The following PLXNA2 variants were observed in gnomAD, a reference collection of about 807,000 sequenced individuals.
PLXNA2 encodes plexin-A2.
Under a neutral mutation model 193.5 loss-of-function variants are expected in PLXNA2, and 91 were observed. The ratio of observed to expected loss-of-function variants is 0.47; its 90% CI spans 0.40 to 0.56. The LOEUF (loss-of-function observed/expected upper bound fraction) is 0.56, where lower values mean the gene tolerates loss of function less well. Ranked by LOEUF, PLXNA2 falls within the 20% of genes least tolerant of loss-of-function variation. PLXNA2 has a pLI of 0.00. For missense variants in PLXNA2, 1,995 were observed against 2,503.2 expected (o/e 0.80, Z 4.33); for synonymous variants, 997 against 1,027.3 (o/e 0.97, Z 0.56).
Position 208,217,775 on chromosome 1 carries a change from A to T in PLXNA2, c.148T>A (p.Phe50Ile), listed in dbSNP as rs1332143888. Residue 50 changes from phenylalanine to isoleucine, a missense_variant, in exon 2 of 32, where the codon TTC (phenylalanine) becomes ATC (isoleucine). Phe to Ile is a conservative substitution (Grantham distance 21, BLOSUM62 0). Around this residue, in one of 3 missense-constraint regions of PLXNA2, gnomAD observed 702 missense variants for 812.9 expected, o/e 0.86. Coordinates refer to ENST00000367033, the MANE Select transcript of PLXNA2 (RefSeq NM_025179.4). The surrounding 1 kb of genome is among the most constrained non-coding windows in gnomAD (Gnocchi z 4.7). ...CCTTGGTGGACGGTCAAGTGGTTGA[A>T]GGTCCAGTCACGATTCTCAGAGTGG... ...TFHSENRDWT[F>I]NHLTVHQGTG... 6.2e-7 allele frequency: 1 copy of T among 1,614,128 alleles called. No homozygotes were observed. Among genetic ancestry groups the T allele is most frequent in the South Asian group, 1.1e-5 (1 of 91,066 alleles).
rs368719137 is a variant in PLXNA2 at position 208,067,768 on chromosome 1, C to T, written c.2587-6931G>A. Among the ~76,000 whole-genome samples, 17 of 152,142 alleles carry T rather than the reference C, an allele frequency of 1.1e-4. 1 individual carries two copies. The highest frequency in any genetic ancestry group is 2.0e-4 in the Admixed American group (3 of 15,278). On this transcript the variant is annotated intron_variant, in intron 12 of 31. Transcript: ENST00000367033. ...CATGATGTTCACACAAGGATGAAATCGTCTAATGACACATTTGTCAGAATG... is the reference window on the plus strand; with the variant it reads ...CATGATGTTCACACAAGGATGAAATTGTCTAATGACACATTTGTCAGAATG...
chr1:208,048,188 C>T (rs1349324777), intron 17 of PLXNA2, among the ~76,000 whole-genome samples: 3 of 152,180 alleles, frequency 2.0e-5, no homozygotes, highest in African/African-American at 7.2e-5. Flanking sequence ...CCCCGTGCTG[C>T]GTCGGCACTT....
intron 6 of PLXNA2, among the ~76,000 whole-genome samples, 198 bp from the exon 7 acceptor site, chr1:208,097,081 G>A (rs1426871207): frequency 2.0e-5 from 3 of 152,258 alleles, no homozygotes; most frequent in South Asian, 2.1e-4. Flanking sequence ...TAGGGTCAAT[G>A]GTCTTTATTA....
intron 12 of PLXNA2, among the ~76,000 whole-genome samples, chr1:208,074,194 C>T (rs990101939): frequency 6.6e-6 from 1 of 152,168 alleles, no homozygotes; most frequent in African/African-American, 2.4e-5. Flanking sequence ...AAATGTTTTT[C>T]TCTGGGCCTT....
intron 3 of PLXNA2, among the ~76,000 whole-genome samples, chr1:208,178,150 G>A (rs1005537599): frequency 6.6e-6 from 1 of 152,096 alleles, no homozygotes; most frequent in Non-Finnish European, 1.5e-5. Context: ...GAAAAAAAAA[G>A]AGCAAAGGTC....
chr1:208,153,899 C>G (rs900558474), intron 3 of PLXNA2, among the ~76,000 whole-genome samples: 6 of 152,184 alleles, frequency 3.9e-5, no homozygotes, highest in Admixed American at 3.9e-4. Context: ...GAATAGCTGT[C>G]ATCTTCACAC....
At chr1:208,048,926 G>A (rs979764236) in intron 17 of PLXNA2, among the ~76,000 whole-genome samples, 1 of 152,132 alleles carries the variant, frequency 6.6e-6, no homozygotes, top group Admixed American at 6.5e-5. Context: ...TCATATGCAC[G>A]AACCAATCCA....
At chr1:208,157,501 T>C (rs1668973261) in intron 3 of PLXNA2, among the ~76,000 whole-genome samples, 1 of 152,230 alleles carries the variant, frequency 6.6e-6, no homozygotes, top group South Asian at 2.1e-4. Context: ...ATCATTTGCC[T>C]CTTTAAGGAA....
At chr1:208,178,700 GAGA>G (rs1365061311) in intron 3 of PLXNA2, among the ~76,000 whole-genome samples, 11 of 152,216 alleles carry the variant, frequency 7.2e-5, no homozygotes, top group African/African-American at 1.7e-4. Context: ...AGGATGCGAG[GAGA>G]AGAAGAGTTC....
chr1:208,091,364 A>T (rs1243550188), intron 9 of PLXNA2, among the ~76,000 whole-genome samples: 1 of 152,254 alleles, frequency 6.6e-6, no homozygotes, highest in Non-Finnish European at 1.5e-5. Flanking sequence ...TGCTATCAAG[A>T]TTAGAAGACA....
intron 13 of PLXNA2, among the ~76,000 whole-genome samples, chr1:208,059,564 G>T (rs1665548796): frequency 6.6e-6 from 1 of 152,206 alleles, no homozygotes; most frequent in African/African-American, 2.4e-5. Flanking sequence ...CTGTCCAGGA[G>T]TCGTGCCCCA....
intron 3 of PLXNA2, among the ~76,000 whole-genome samples, chr1:208,144,446 T>C (rs1668547168): frequency 6.6e-6 from 1 of 152,084 alleles, no homozygotes; most frequent in Non-Finnish European, 1.5e-5. Flanking sequence ...TCGATGTACA[T>C]GGGAAACAGA....
chr1:208,223,338 C>T (rs770724373), intron 1 of PLXNA2, among the ~76,000 whole-genome samples: 2 of 151,986 alleles, frequency 1.3e-5, no homozygotes, highest in African/African-American at 4.8e-5. Context: ...AGAACCCAGA[C>T]CTCATGACAA....
chr1:208,060,842 AGGAG>A lies in PLXNA2; in HGVS notation c.2587-9_2587-6del. 1 of 1,613,664 alleles carries A rather than the reference AGGAG, an allele frequency of 6.2e-7. No homozygotes were observed. Among genetic ancestry groups the A allele is most frequent in the South Asian group, 1.1e-5 (1 of 91,002 alleles). ...CGGTCCAGACACCGTCAAAATCTGC[AGGAG>A]GGAAATGGGATTAGCAATTTGGTTT... On this transcript the variant is annotated splice_polypyrimidine_tract_variant and splice_region_variant and intron_variant, in intron 12 of 31. Transcript: ENST00000367033.
chr1:208,102,772 C>T (rs977234352), intron 5 of PLXNA2, among the ~76,000 whole-genome samples: 9 of 152,250 alleles, frequency 5.9e-5, no homozygotes, highest in African/African-American at 2.2e-4. Context: ...CAGTGCACCA[C>T]CATCTGCACA....
chr1:208,071,122 A>C (rs1363407844), intron 12 of PLXNA2, among the ~76,000 whole-genome samples: 3 of 152,184 alleles, frequency 2.0e-5, no homozygotes, highest in Non-Finnish European at 4.4e-5. Flanking sequence ...TCAGTCCCCA[A>C]CACTGGATTT....
At chr1:208,229,113 C>G (rs1253083620) in intron 1 of PLXNA2, among the ~76,000 whole-genome samples, 1 of 152,200 alleles carries the variant, frequency 6.6e-6, no homozygotes, top group Non-Finnish European at 1.5e-5. Flanking sequence ...CCATACAGGT[C>G]TGCCTCAGTA....
intron 1 of PLXNA2, among the ~76,000 whole-genome samples, chr1:208,235,545 A>T (rs11119017): frequency 6.6e-6 from 1 of 152,066 alleles, no homozygotes; most frequent in Non-Finnish European, 1.5e-5. Context: ...GGCAGGAGCC[A>T]ATTCTGCCAG....
intron 4 of PLXNA2, among the ~76,000 whole-genome samples, chr1:208,134,029 AGTCTCC>A (rs1668233286): frequency 6.6e-6 from 1 of 152,222 alleles, no homozygotes. Flanking sequence ...AGGATTAGAG[AGTCTCC>A]AACCCCCTTG....
Sources: gnomAD v4.1 joint callset for allele counts (sites outside exome capture counted in the v4.1 genomes callset) on GRCh38, gnomAD v4.1.1 for gene constraint, gnomAD v4.1.1 regional missense constraint, Gnocchi (gnomAD v3.1) non-coding constraint, MANE v1.5 for transcripts, NCBI Gene and HGNC (gene_info 2026-07-23, HGNC 2026-07-21) for gene names.